The following SND1 variants were observed in gnomAD, a reference collection of about 807,000 sequenced individuals.
SND1 encodes staphylococcal nuclease and tudor domain containing 1.
A neutral mutation model predicts 121.7 loss-of-function variants in SND1; 38 were observed. That is an observed-to-expected ratio of 0.31 (90% CI 0.24 to 0.41). SND1 has a LOEUF of 0.41. Ranked by LOEUF, SND1 falls within the 10% of genes least tolerant of loss-of-function variation. SND1 has a pLI of 1.00. For synonymous variants in SND1, 401 were observed against 447.4 expected (o/e 0.90, Z 1.31); for missense variants, 868 against 1,184.6 (o/e 0.73, Z 3.92).
chr7:128,065,332 G>A (rs1395845926), intron 16 of SND1, among the ~76,000 whole-genome samples: 2 of 152,214 alleles, frequency 1.3e-5, no homozygotes, highest in African/African-American at 2.4e-5. Context: ...TTCAGGTATA[G>A]GAGCCTGAGA....
intron 14 of SND1, among the ~76,000 whole-genome samples, chr7:127,921,601 A>G (rs1800706756): frequency 6.6e-6 from 1 of 152,156 alleles, no homozygotes; most frequent in Non-Finnish European, 1.5e-5. Context: ...ATACAGTAAA[A>G]TGTTCTCATT....
chr7:127,805,488 T>C (rs190054143), intron 10 of SND1, among the ~76,000 whole-genome samples: 9 of 152,308 alleles, frequency 5.9e-5, no homozygotes, highest in Non-Finnish European at 1.2e-4. Context: ...TTAGTGAATA[T>C]GAAACTCAAA....
chr7:127,846,326 A>T (rs1344277923), intron 12 of SND1, among the ~76,000 whole-genome samples: 1 of 152,218 alleles, frequency 6.6e-6, no homozygotes, highest in Non-Finnish European at 1.5e-5. Flanking sequence ...AGAATTTTAC[A>T]AGTACTCTTC....
chr7:127,978,941 C>T (rs1802193166), intron 15 of SND1, among the ~76,000 whole-genome samples: 1 of 152,176 alleles, frequency 6.6e-6, no homozygotes, highest in African/African-American at 2.4e-5. Flanking sequence ...CCCACCTCAG[C>T]CTCCCAAAGT....
At chr7:128,041,976 G>A (rs530743990) in intron 16 of SND1, among the ~76,000 whole-genome samples, 1 of 152,116 alleles carries the variant, frequency 6.6e-6, no homozygotes, top group Non-Finnish European at 1.5e-5. Context: ...TCTGATGGGG[G>A]GTGCTAAATC....
At chr7:127,858,530 C>T (rs1007474072) in intron 12 of SND1, 2 of 473,528 alleles carry the variant, frequency 4.2e-6, no homozygotes, top group Non-Finnish European at 3.9e-6. Flanking sequence ...TTATGCAGTG[C>T]AGATCTAAAG....
chr7:128,024,945 CAG>C (rs935437640), intron 16 of SND1, among the ~76,000 whole-genome samples: 4 of 152,290 alleles, frequency 2.6e-5, no homozygotes, highest in South Asian at 4.1e-4. Flanking sequence ...CTCCACACTG[CAG>C]AGTTTCCAAG....
chr7:127,875,248 A>G (rs920267777), intron 12 of SND1, among the ~76,000 whole-genome samples: 6 of 152,148 alleles, frequency 3.9e-5, no homozygotes, highest in African/African-American at 1.4e-4. Flanking sequence ...TCAGCTAGCC[A>G]ATAAATATTT....
At chr7:127,907,091 A>G (rs538583539) in intron 14 of SND1, among the ~76,000 whole-genome samples, 1 of 152,336 alleles carries the variant, frequency 6.6e-6, no homozygotes, top group Admixed American at 6.5e-5. Context: ...AGCTTGAGCA[A>G]GTGGGAGACT....
intron 15 of SND1, among the ~76,000 whole-genome samples, chr7:127,964,840 T>G (rs1301205198): frequency 3.1e-5 from 3 of 97,754 alleles, no homozygotes; most frequent in Non-Finnish European, 6.0e-5. Flanking sequence ...GTAAATTACC[T>G]TGGGCAGTAT....
chr7:127,858,418 A>C (rs768496058), intron 12 of SND1: 22 of 981,776 alleles, frequency 2.2e-5, no homozygotes, highest in Non-Finnish European at 3.3e-5. Flanking sequence ...AGGCTTGGGC[A>C]CTCACTGGGG....
At chr7:127,909,338 C>T (rs1800408132) in intron 14 of SND1, among the ~76,000 whole-genome samples, 1 of 152,062 alleles carries the variant, frequency 6.6e-6, no homozygotes, top group African/African-American at 2.4e-5. Flanking sequence ...CTGCTGTGCT[C>T]CTTTGGACGT....
At chr7:127,884,447 A>G (rs537442453) in intron 12 of SND1, among the ~76,000 whole-genome samples, 3 of 152,262 alleles carry the variant, frequency 2.0e-5, no homozygotes, top group Non-Finnish European at 4.4e-5. Context: ...AGCCAAGGCT[A>G]TGCTTCCCAC....
chr7:127,663,656 G>A lies in SND1; in HGVS notation c.78+11205G>A, dbSNP rs141821642. Among the ~76,000 whole-genome samples, 325 of 152,292 alleles carry A rather than the reference G, an allele frequency of 2.1e-3. 1 individual carries two copies. The highest frequency in any genetic ancestry group is 7.6e-3 in the African/African-American group (314 of 41,554). ...CTCCCAAAGTGCTGGGATTACAGGC[G>A]TGAGCCACCACGCCTGGCCTTACTG... On this transcript the variant is annotated intron_variant, in intron 1 of 23. Coordinates refer to ENST00000354725, the MANE Select transcript of SND1 (RefSeq NM_014390.4).
rs554938824 is a variant in SND1 at position 128,017,473 on chromosome 7, G to C, written c.1779+26417G>C. 4.6e-5 allele frequency among the ~76,000 whole-genome samples: 7 copies of C among 152,342 alleles called. No individual in the cohort carries two copies. The East Asian group carries it at 1.4e-3, about 29-fold the overall frequency. On this transcript the variant is annotated intron_variant, in intron 16 of 23. Transcript: ENST00000354725. Reference sequence around the variant, plus strand: ...TCAGGCTCCATGTGTCGCATTCACTGAAGTTTTAGACATGAGAGGTGGCTC... The same window carrying C: ...TCAGGCTCCATGTGTCGCATTCACTCAAGTTTTAGACATGAGAGGTGGCTC...
chr7:128,081,829 C>T, intron 18 of SND1: 1 of 563,666 alleles, frequency 1.8e-6, no homozygotes, highest in Non-Finnish European at 3.6e-6. Flanking sequence ...TTCCTACATA[C>T]CCCTGGCTAT....
intron 15 of SND1, among the ~76,000 whole-genome samples, chr7:127,938,744 C>T (rs1010645696): frequency 6.6e-6 from 1 of 152,222 alleles, no homozygotes; most frequent in Non-Finnish European, 1.5e-5. Context: ...TTCAGCTCTC[C>T]GTCTATGCAG....
intron 15 of SND1, among the ~76,000 whole-genome samples, chr7:127,940,119 C>T (rs1245890882): frequency 6.6e-6 from 1 of 152,106 alleles, no homozygotes; most frequent in Non-Finnish European, 1.5e-5. Flanking sequence ...TGAGTCTATG[C>T]AGGGTTGTCT....
chr7:127,848,627 T>G (rs1280553325), intron 12 of SND1, among the ~76,000 whole-genome samples: 1 of 152,218 alleles, frequency 6.6e-6, no homozygotes, highest in East Asian at 1.9e-4. Context: ...CATTTAGGCC[T>G]TCACAGCACC....
Sources: allele counts gnomAD v4.1 joint callset (sites outside exome capture counted in the v4.1 genomes callset), GRCh38; gene constraint gnomAD v4.1.1; transcripts MANE v1.5; gene names NCBI Gene and HGNC (gene_info 2026-07-23, HGNC 2026-07-21).